SCUBE1: variants seen among roughly 807,000 people sequenced by gnomAD.
The protein encoded by SCUBE1 is signal peptide, CUB domain and EGF like domain containing 1.
In SCUBE1, 59 loss-of-function variants were observed where a neutral mutation model predicts 124.4. The observed-to-expected ratio is 0.47, with a 90% confidence interval of 0.38 to 0.59. The LOEUF (loss-of-function observed/expected upper bound fraction) is 0.59, where lower values mean the gene tolerates loss of function less well. SCUBE1 is among the 20% of genes least tolerant of loss of function. The pLI is 0.00. For synonymous variants in SCUBE1, 545 were observed against 550.9 expected (o/e 0.99, Z 0.15); for missense variants, 1,150 against 1,371.2 (o/e 0.84, Z 2.55).
At chr22:43,217,427 T>C (rs67060230) in intron 15 of SCUBE1, among the ~76,000 whole-genome samples, 35,108 of 150,870 alleles carry the variant, frequency 0.23, 4,815 homozygotes, top group Middle Eastern at 0.33. Flanking sequence ...CTCTGCCCAA[T>C]TGGCCAAACC....
chr22:43,294,048 G>A (rs913209784), intron 3 of SCUBE1, among the ~76,000 whole-genome samples: 16 of 152,142 alleles, frequency 1.1e-4, no homozygotes, highest in African/African-American at 3.4e-4. Flanking sequence ...ACAATGACTC[G>A]CCAGTGCTGA....
At chr22:43,241,960 G>T (rs1342658908) in intron 6 of SCUBE1, among the ~76,000 whole-genome samples, 1 of 152,256 alleles carries the variant, frequency 6.6e-6, no homozygotes, top group Non-Finnish European at 1.5e-5. Flanking sequence ...GGGGCCTGGG[G>T]CAGGCTGCAG....
rs1411855201 is a variant in SCUBE1, at chr22:43,210,805, C to T, written c.2383+117G>A. The T allele has an allele frequency of 3.6e-5, 44 of 1,230,034 alleles. No individual in the cohort carries two copies. Among genetic ancestry groups the T allele is most frequent in the Admixed American group, 3.7e-5 (2 of 53,500 alleles). 76.2% of individuals were successfully genotyped at this position (1,230,034 alleles called of 1,614,324 possible). On this transcript the variant is annotated intron_variant, in intron 18 of 21. Coordinates refer to ENST00000360835, the MANE Select transcript of SCUBE1 (RefSeq NM_173050.5). This position sits in a 1 kb window ranked among gnomAD's most constrained non-coding sequence, Gnocchi z 4.5. The stretch of plus-strand genomic sequence containing the variant: ...GCACCCGAGAGCAGACGGGACGGAG[C>T]GGGAGGAGTCCAGTGTCCTCGTGGA...
At chr22:43,316,761 C>G (rs1926362221) in intron 3 of SCUBE1, 2 of 152,500 alleles carry the variant, frequency 1.3e-5, no homozygotes, top group East Asian at 3.9e-4. Flanking sequence ...GCTTCTACCC[C>G]CACACTCACT....
intron 14 of SCUBE1, among the ~76,000 whole-genome samples, chr22:43,219,733 C>A (rs1259946376): frequency 6.6e-6 from 1 of 152,178 alleles, no homozygotes; most frequent in Admixed American, 6.5e-5. Context: ...TTTGGCCCTC[C>A]CAGACTGCTG....
In SCUBE1 at chr22:43,243,498, C is replaced by A. The variant is rs140384587; in HGVS notation, c.728-4544G>T. On this transcript the variant is annotated intron_variant, in intron 6 of 21. Transcript: ENST00000360835. Reference sequence around the variant, plus strand: ...CTGGACCCTGCATGCAGCCTGCCAGCGCTCTGACAGAGGGAAGCAGGGGCG... The same window carrying A: ...CTGGACCCTGCATGCAGCCTGCCAGAGCTCTGACAGAGGGAAGCAGGGGCG... Among the ~76,000 whole-genome samples, 584 of 152,370 alleles carry A rather than the reference C, an allele frequency of 3.8e-3. 1 individual carries two copies. The highest frequency in any genetic ancestry group is 5.6e-3 in the Non-Finnish European group (380 of 68,032).
At chr22:43,205,787 T>C (rs939048104) in intron 21 of SCUBE1, among the ~76,000 whole-genome samples, 6 of 18,262 alleles carry the variant, frequency 3.3e-4, no homozygotes, top group South Asian at 2.0e-3. Flanking sequence ...CACCACACAC[T>C]CACCCCCACA....
At chr22:43,277,045 A>C (rs1338753444) in intron 4 of SCUBE1, among the ~76,000 whole-genome samples, 1 of 152,080 alleles carries the variant, frequency 6.6e-6, no homozygotes, top group African/African-American at 2.4e-5. Context: ...GAGACATGAG[A>C]GACAGGGCAG....
At chr22:43,260,064 T>C (rs1923815739) in intron 5 of SCUBE1, among the ~76,000 whole-genome samples, 1 of 152,190 alleles carries the variant, frequency 6.6e-6, no homozygotes, top group Non-Finnish European at 1.5e-5. Context: ...TGGAACCCAC[T>C]TTGGGCTGGA....
At chr22:43,285,940 T>C (rs1925122749) in intron 4 of SCUBE1, among the ~76,000 whole-genome samples, 1 of 152,228 alleles carries the variant, frequency 6.6e-6, no homozygotes, top group African/African-American at 2.4e-5. Context: ...GCTCGCTAGT[T>C]TGTCGAGGAC....
chr22:43,258,440 T>A lies in SCUBE1; in HGVS notation c.611-105A>T. 1.2e-6 allele frequency: 1 copy of A among 820,706 alleles called. No homozygotes were observed. Among genetic ancestry groups the A allele is most frequent in the Non-Finnish European group, 2.1e-6 (1 of 470,734 alleles). The allele number at this position is 820,706 out of a possible 1,614,324, so 50.8% of individuals were successfully genotyped here. Reference sequence around the variant, plus strand: ...TTCAGGGTATGGGGAAACTGAGGCCTAAGGGCATCAGTGGGTAGGGTCATG... The same window carrying A: ...TTCAGGGTATGGGGAAACTGAGGCCAAAGGGCATCAGTGGGTAGGGTCATG... On this transcript the variant is annotated intron_variant, in intron 5 of 21. Transcript: ENST00000360835. The surrounding 1 kb of genome is among the most constrained non-coding windows in gnomAD (Gnocchi z 5.0).
At position 43,211,037 on chromosome 22, in the gene SCUBE1, G is replaced by A. The variant is rs199625167; in HGVS notation, c.2268C>T (p.Cys756=). ...GGTAGGTGCCGACGGGGCAGCGGAT[G>A]CAGCGGTGGGTGGTGGTGTTGTAGT... is the stretch of plus-strand genomic sequence containing the variant. The part of the protein sequence containing the change: ...GHHYNTTTHR[C]IRCPVGTYQP... Residue 756 remains cysteine (C), a synonymous_variant, in exon 18 of 22, where the codon TGC becomes TGT. Coordinates refer to ENST00000360835, the MANE Select transcript of SCUBE1 (RefSeq NM_173050.5). This position sits in a 1 kb window ranked among gnomAD's most constrained non-coding sequence, Gnocchi z 4.5. 6 of 1,614,014 alleles carry A rather than the reference G, an allele frequency of 3.7e-6. No individual in the cohort carries two copies. The East Asian group carries it at 8.9e-5, about 24-fold the overall frequency.
In SCUBE1 at chr22:43,198,195, G is replaced by C; in HGVS notation, c.*5802C>G. On this transcript the variant is annotated 3_prime_UTR_variant, in exon 22 of 22. Coordinates refer to ENST00000360835, the MANE Select transcript of SCUBE1 (RefSeq NM_173050.5). Reference sequence around the variant, plus strand: ...TGAGCCCAGAGCCTGGCACCCAGTGGGCACTGAGTGAGCGTCAGCTTCCCC... The same window carrying C: ...TGAGCCCAGAGCCTGGCACCCAGTGCGCACTGAGTGAGCGTCAGCTTCCCC... The C allele has an allele frequency of 3.7e-6, 1 of 273,122 alleles. No individual in the cohort carries two copies. The highest frequency in any genetic ancestry group is 3.8e-5 in the South Asian group (1 of 26,470). The allele number at this position is 273,122 out of a possible 1,614,324, so 16.9% of individuals were successfully genotyped here. A position where few individuals can be genotyped will look rare whatever the true frequency, so the allele number is the denominator to read the frequency against.
chr22:43,254,495 C>T (rs1255243292), intron 6 of SCUBE1, among the ~76,000 whole-genome samples: 2 of 152,224 alleles, frequency 1.3e-5, no homozygotes, highest in Non-Finnish European at 2.9e-5. Flanking sequence ...CTTCACATGG[C>T]CCTGCAACCC....
chr22:43,307,233 G>A (rs1222602077), intron 3 of SCUBE1, among the ~76,000 whole-genome samples: 5 of 152,226 alleles, frequency 3.3e-5, no homozygotes, highest in African/African-American at 1.2e-4. Flanking sequence ...AGGGGAGGCT[G>A]TACAGCTCAG....
At chr22:43,297,462 T>A (rs563288698) in intron 3 of SCUBE1, among the ~76,000 whole-genome samples, 1 of 152,364 alleles carries the variant, frequency 6.6e-6, no homozygotes, top group East Asian at 1.9e-4. Flanking sequence ...CCCTCAGCTG[T>A]GACTCTTGCC....
chr22:43,343,278 G>T lies in SCUBE1; in HGVS notation c.-17C>A. On this transcript the variant is annotated 5_prime_UTR_variant, in exon 1 of 22. Transcript: ENST00000360835. ...CGCGCCCATGCTCAATGCGGGCCCC[G>T]CTGGGCGTGCGGGCGTGCGGGGCGC... The T allele has an allele frequency of 9.1e-7, 1 of 1,101,310 alleles. No homozygotes were observed. Among genetic ancestry groups the T allele is most frequent in the Non-Finnish European group, 1.1e-6 (1 of 908,186 alleles). The allele number at this position is 1,101,310 out of a possible 1,614,324, so 68.2% of individuals were successfully genotyped here. A position where few individuals can be genotyped will look rare whatever the true frequency, so the allele number is the denominator to read the frequency against.
At chr22:43,292,066 C>A (rs73424023) in intron 3 of SCUBE1, among the ~76,000 whole-genome samples, 1 of 152,128 alleles carries the variant, frequency 6.6e-6, no homozygotes, top group Non-Finnish European at 1.5e-5. Context: ...TGCAACCCCA[C>A]GAGCCCCGTC....
rs376217649 is a variant in SCUBE1 at position 43,211,024 on chromosome 22, C to T, written c.2281G>A (p.Val761Ile). ...CCAAACTCGGGCTGGTAGGTGCCGA[C>T]GGGGCAGCGGATGCAGCGGTGGGTG... ...TTTHRCIRCP[V>I]GTYQPEFGQN... The change falls in exon 18 of 22, where the codon GTC becomes ATC. Residue 761 changes from valine to isoleucine, a missense_variant. This residue lies in a region of SCUBE1 where 757 missense variants were observed against 840.9 expected (regional missense o/e 0.90). Coordinates refer to ENST00000360835, the MANE Select transcript of SCUBE1 (RefSeq NM_173050.5). This position sits in a 1 kb window ranked among gnomAD's most constrained non-coding sequence, Gnocchi z 4.5. 18 of 1,613,912 alleles carry T rather than the reference C, an allele frequency of 1.1e-5. No homozygotes were observed. The highest frequency in any genetic ancestry group is 2.2e-5 in the East Asian group (1 of 44,892).
Sources: allele counts gnomAD v4.1 joint callset (sites outside exome capture counted in the v4.1 genomes callset), GRCh38; gene constraint gnomAD v4.1.1; regional missense constraint gnomAD v4.1.1; non-coding constraint Gnocchi (gnomAD v3.1); transcripts MANE v1.5; gene names NCBI Gene and HGNC (gene_info 2026-07-23, HGNC 2026-07-21).